The following DIAPH3 variants were observed in gnomAD, a reference collection of about 807,000 sequenced individuals.
The protein encoded by DIAPH3 is diaphanous related formin 3.
Under a neutral mutation model 144.3 loss-of-function variants are expected in DIAPH3, and 117 were observed. The observed-to-expected ratio is 0.81, with a 90% CI of 0.70 to 0.95. The LOEUF is 0.95. Among genes scored for constraint, DIAPH3 ranks in the 40% least tolerant of loss-of-function variants. DIAPH3 has a pLI of 0.00. For missense variants in DIAPH3, 1,421 were observed against 1,412.7 expected, an observed-to-expected ratio of 1.01 and a Z score of -0.09; for synonymous variants, 519 against 488.9, an observed-to-expected ratio of 1.06 and a Z score of -0.81.
chr13:59,927,720 T>C (rs1263017948), intron 17 of DIAPH3, among the ~76,000 whole-genome samples: 1 of 152,182 alleles, frequency 6.6e-6, no homozygotes, highest in African/African-American at 2.4e-5. Context: ...TCTCTCCTAG[T>C]CTGTAAATTT....
At chr13:60,002,109 ATG>A (rs1448239047) in intron 9 of DIAPH3, among the ~76,000 whole-genome samples, 341 of 152,324 alleles carry the variant, frequency 2.2e-3, no homozygotes, top group Non-Finnish European at 2.5e-3. Context: ...AAGTGGAAAG[ATG>A]AATCAAAAAA....
intron 27 of DIAPH3, among the ~76,000 whole-genome samples, chr13:59,745,046 G>A (rs1023530939): frequency 6.6e-6 from 1 of 152,158 alleles, no homozygotes; most frequent in South Asian, 2.1e-4. Flanking sequence ...TTCCAAGAAG[G>A]TTTCTTGCTA....
intron 21 of DIAPH3, among the ~76,000 whole-genome samples, chr13:59,876,572 T>C (rs1335245842): frequency 6.6e-6 from 1 of 152,206 alleles, no homozygotes; most frequent in South Asian, 2.1e-4. Context: ...ACACTACTTT[T>C]TGTCTTATGA....
intron 17 of DIAPH3, among the ~76,000 whole-genome samples, chr13:59,955,111 C>T (rs1301316084): frequency 6.6e-6 from 1 of 150,956 alleles, no homozygotes; most frequent in Non-Finnish European, 1.5e-5. Flanking sequence ...TATATACACA[C>T]ACACTTTTAT....
chr13:59,974,945 TC>T (rs1258174837), intron 14 of DIAPH3, among the ~76,000 whole-genome samples: 1 of 152,064 alleles, frequency 6.6e-6, no homozygotes, highest in Non-Finnish European at 1.5e-5. Context: ...TAACTTTTTT[TC>T]TTGTAACAAC....
rs1016439814 is a variant in DIAPH3 at position 59,911,740 on chromosome 13, C to T, written c.2362G>A (p.Val788Ile). ...CTCTGAGACTCGGTACTTACCACAA[C>T]CACAAACTGCTCAGGTTCACATAAG... ...SNLCEPEQFV[V>I]VMSNVKRLRP... is the part of the protein sequence containing the mutation. The change falls in exon 20 of 28, where the codon GTT (valine) becomes ATT (isoleucine). Residue 788 changes from valine to isoleucine, a missense_variant. Transcript: ENST00000400324. 2 of 1,613,028 alleles carry T rather than the reference C, an allele frequency of 1.2e-6. No individual in the cohort carries two copies. The highest frequency in any genetic ancestry group is 1.3e-5 in the African/African-American group (1 of 74,898).
At chr13:60,158,927 A>C (rs1036857253) in intron 1 of DIAPH3, among the ~76,000 whole-genome samples, 4 of 151,596 alleles carry the variant, frequency 2.6e-5, no homozygotes, top group Admixed American at 6.6e-5. Context: ...AAAAAAAAAA[A>C]AAAAACCAAA....
chr13:59,777,557 C>A (rs2038487056), intron 25 of DIAPH3, among the ~76,000 whole-genome samples: 1 of 152,156 alleles, frequency 6.6e-6, no homozygotes, highest in Admixed American at 6.6e-5. Flanking sequence ...ATAGAGAAAT[C>A]TGGTAGATAC....
intron 17 of DIAPH3, among the ~76,000 whole-genome samples, chr13:59,965,961 A>G (rs2140528621): frequency 6.6e-6 from 1 of 152,300 alleles, no homozygotes; most frequent in African/African-American, 2.4e-5. Context: ...AAAAGAAAAA[A>G]CATAATCTGG....
chr13:59,715,910 C>G (rs1307359130), intron 27 of DIAPH3, among the ~76,000 whole-genome samples: 1 of 151,980 alleles, frequency 6.6e-6, no homozygotes, highest in Non-Finnish European at 1.5e-5. Flanking sequence ...GATAATGATA[C>G]TACTGAGCAC....
intron 4 of DIAPH3, among the ~76,000 whole-genome samples, chr13:60,070,109 G>A (rs895999155): frequency 1.3e-5 from 2 of 152,002 alleles, no homozygotes; most frequent in East Asian, 1.9e-4. Flanking sequence ...TCCTATTCAC[G>A]AGCATGGGAT....
chr13:59,779,638 A>G (rs1281236357), intron 25 of DIAPH3, among the ~76,000 whole-genome samples: 1 of 151,890 alleles, frequency 6.6e-6, no homozygotes, highest in East Asian at 2.0e-4. Flanking sequence ...CAGCCTCCCA[A>G]GTAGCTGGGA....
At chr13:59,700,818 TAAATC>T (rs1415559723) in intron 27 of DIAPH3, among the ~76,000 whole-genome samples, 1 of 152,214 alleles carries the variant, frequency 6.6e-6, no homozygotes, top group Non-Finnish European at 1.5e-5. Flanking sequence ...TTATCCTTGT[TAAATC>T]AACCATAAAT....
intron 4 of DIAPH3, among the ~76,000 whole-genome samples, chr13:60,067,084 G>A (rs2056997727): frequency 6.6e-6 from 1 of 152,086 alleles, no homozygotes; most frequent in African/African-American, 2.4e-5. Flanking sequence ...TTCAAGACCA[G>A]CCTGGGCAAC....
intron 4 of DIAPH3, among the ~76,000 whole-genome samples, chr13:60,044,538 C>T (rs2055925076): frequency 2.0e-5 from 3 of 152,120 alleles, no homozygotes; most frequent in Admixed American, 2.0e-4. Context: ...CAACAGAGCA[C>T]TTATTGATGT....
chr13:60,104,896 C>A (rs1342197349), intron 3 of DIAPH3, among the ~76,000 whole-genome samples: 4 of 151,908 alleles, frequency 2.6e-5, no homozygotes, highest in African/African-American at 9.7e-5. Context: ...GAGATCGAGA[C>A]CATCCTGGCT....
chr13:59,673,155 C>G (rs1232619381), intron 27 of DIAPH3, among the ~76,000 whole-genome samples: 1 of 152,302 alleles, frequency 6.6e-6, no homozygotes, highest in East Asian at 1.9e-4. Context: ...CTAAAGAGAA[C>G]AGTAACGTAA....
chr13:59,911,755 G>A lies in DIAPH3; in HGVS notation c.2347C>T (p.Pro783Ser), dbSNP rs1016225037. The A allele has an allele frequency of 1.2e-6, 2 of 1,613,476 alleles. No homozygotes were observed. The highest frequency in any genetic ancestry group is 3.3e-5 in the Admixed American group (2 of 60,010). The change falls in exon 20 of 28, where the codon CCT becomes TCT. Residue 783 changes from proline to serine, a missense_variant. Pro to Ser is a moderately conservative substitution (Grantham distance 74). Transcript: ENST00000400324. ...FKSEYSNLCE[P>S]EQFVVVMSNV... ...CTTACCACAACCACAAACTGCTCAGGTTCACATAAGTTGCTATATTCACTC... is the reference window on the plus strand; with the variant it reads ...CTTACCACAACCACAAACTGCTCAGATTCACATAAGTTGCTATATTCACTC...
At chr13:60,137,563 T>C (rs61958591) in intron 1 of DIAPH3, among the ~76,000 whole-genome samples, 1,743 of 152,228 alleles carry the variant, frequency 0.011, 18 homozygotes, top group Non-Finnish European at 0.019. Context: ...TTGGTTAGCA[T>C]ATCTGAACTA....
Sources: allele counts gnomAD v4.1 joint callset (sites outside exome capture counted in the v4.1 genomes callset), GRCh38; gene constraint gnomAD v4.1.1; transcripts MANE v1.5; gene names NCBI Gene and HGNC (gene_info 2026-07-23, HGNC 2026-07-21).